NSMCE2: variants seen among roughly 807,000 people sequenced by gnomAD.
NSMCE2 encodes the protein E3 SUMO-protein ligase NSE2.
A neutral mutation model predicts 23.8 loss-of-function variants in NSMCE2; 24 were observed. That is an observed-to-expected ratio of 1.01 (90% CI 0.73 to 1.42). NSMCE2 has a LOEUF of 1.42. Ranked by LOEUF, NSMCE2 falls within the 40% of genes most tolerant of loss-of-function variation. The probability of loss-of-function intolerance (pLI) is 0.00; values close to 1 mark genes in which losing one functional copy is unlikely to be tolerated. For synonymous variants in NSMCE2, 92 were observed against 94.1 expected, an observed-to-expected ratio of 0.98 and a Z score of 0.13; for missense variants, 284 against 296.5, an observed-to-expected ratio of 0.96 and a Z score of 0.31.
chr8:125,328,451 C>T (rs1262356916), intron 5 of NSMCE2, among the ~76,000 whole-genome samples: 1 of 152,106 alleles, frequency 6.6e-6, no homozygotes, highest in Non-Finnish European at 1.5e-5. Context: ...CCTCGAGGGC[C>T]TGGATTGGGT....
At chr8:125,361,529 C>A (rs1167467863) in intron 7 of NSMCE2, among the ~76,000 whole-genome samples, 1 of 152,168 alleles carries the variant, frequency 6.6e-6, no homozygotes, top group Non-Finnish European at 1.5e-5. Context: ...TACCAACAAG[C>A]CATTCAACCT....
At chr8:125,251,060 G>T (rs918233150) in intron 5 of NSMCE2, among the ~76,000 whole-genome samples, 3 of 152,106 alleles carry the variant, frequency 2.0e-5, no homozygotes, top group African/African-American at 7.2e-5. Context: ...GTCTTTGATG[G>T]TAGGACTGCA....
intron 5 of NSMCE2, among the ~76,000 whole-genome samples, chr8:125,233,911 T>C (rs908046916): frequency 6.6e-6 from 1 of 151,078 alleles, no homozygotes; most frequent in Non-Finnish European, 1.5e-5. Context: ...GCATGGTGGC[T>C]CATGCCTGTA....
chr8:125,274,315 A>T (rs1259038978), intron 5 of NSMCE2, among the ~76,000 whole-genome samples: 1 of 152,276 alleles, frequency 6.6e-6, no homozygotes, highest in Non-Finnish European at 1.5e-5. Context: ...TTAGTGAAAC[A>T]GGATTTTTTA....
At chr8:125,344,280 A>G (rs1361152186) in intron 5 of NSMCE2, among the ~76,000 whole-genome samples, 2 of 152,162 alleles carry the variant, frequency 1.3e-5, no homozygotes, top group Non-Finnish European at 2.9e-5. Context: ...GGTCTCTTGA[A>G]GAGTACTAGA....
chr8:125,308,423 C>T (rs1052566334), intron 5 of NSMCE2, among the ~76,000 whole-genome samples: 1 of 152,136 alleles, frequency 6.6e-6, no homozygotes, highest in Non-Finnish European at 1.5e-5. Flanking sequence ...AAGTCTTTTT[C>T]CTTTGACCTT....
At chr8:125,110,815 T>A (rs1586442151) in intron 3 of NSMCE2, among the ~76,000 whole-genome samples, 3 of 151,058 alleles carry the variant, frequency 2.0e-5, no homozygotes, top group East Asian at 1.9e-4. Context: ...TTTTTTTTTT[T>A]AAATACCCAA....
intron 7 of NSMCE2, among the ~76,000 whole-genome samples, chr8:125,359,752 A>G (rs1158351035): frequency 2.0e-5 from 3 of 152,236 alleles, no homozygotes; most frequent in African/African-American, 7.2e-5. Context: ...GCTGGTACAC[A>G]GTAGGGCTCA....
At chr8:125,270,209 G>A (rs999471993) in intron 5 of NSMCE2, among the ~76,000 whole-genome samples, 2 of 152,186 alleles carry the variant, frequency 1.3e-5, no homozygotes, top group African/African-American at 4.8e-5. Flanking sequence ...ACTCATGCCT[G>A]TAATCCCAGC....
At chr8:125,237,455 G>A (rs1434524301) in intron 5 of NSMCE2, among the ~76,000 whole-genome samples, 1 of 152,166 alleles carries the variant, frequency 6.6e-6, no homozygotes, top group African/African-American at 2.4e-5. Flanking sequence ...CCAGATTGAG[G>A]CAAGCATTCA....
intron 1 of NSMCE2, among the ~76,000 whole-genome samples, chr8:125,098,215 A>G (rs1260487906): frequency 1.3e-5 from 2 of 152,214 alleles, no homozygotes; most frequent in Admixed American, 1.3e-4. Context: ...AGATGATTCA[A>G]TACACTGACA....
intron 5 of NSMCE2, among the ~76,000 whole-genome samples, chr8:125,346,545 CAG>C (rs1432833741): frequency 2.0e-5 from 3 of 152,208 alleles, no homozygotes; most frequent in Non-Finnish European, 4.4e-5. Context: ...GCTGGCTAAT[CAG>C]ACTTTCCCTA....
At chr8:125,132,799 T>A (rs1162456058) in intron 3 of NSMCE2, among the ~76,000 whole-genome samples, 1 of 152,194 alleles carries the variant, frequency 6.6e-6, no homozygotes, top group African/African-American at 2.4e-5. Flanking sequence ...CCCAGCCCAA[T>A]TTTTAAATTG....
intron 5 of NSMCE2, among the ~76,000 whole-genome samples, chr8:125,189,111 T>C (rs1338726225): frequency 2.6e-5 from 4 of 152,240 alleles, no homozygotes; most frequent in Non-Finnish European, 5.9e-5. Context: ...GGTATAACTG[T>C]TGTTAGAAAT....
At chr8:125,244,273 T>G (rs2130989769) in intron 5 of NSMCE2, among the ~76,000 whole-genome samples, 1 of 152,150 alleles carries the variant, frequency 6.6e-6, no homozygotes, top group Middle Eastern at 3.4e-3. Context: ...TAAAGAAAGT[T>G]CAAAGTTGAG....
chr8:125,117,601 A>T (rs1007041337), intron 3 of NSMCE2, among the ~76,000 whole-genome samples: 1 of 151,934 alleles, frequency 6.6e-6, no homozygotes, highest in Non-Finnish European at 1.5e-5. Context: ...AGTAGTCTCT[A>T]CTGCCCTGGC....
chr8:125,298,184 T>G (rs994905515), intron 5 of NSMCE2, among the ~76,000 whole-genome samples: 8 of 151,306 alleles, frequency 5.3e-5, no homozygotes, highest in African/African-American at 1.9e-4. Flanking sequence ...CGCTTGAACC[T>G]AGAAGGCAGA....
At chr8:125,170,376 CTTTTT>C (rs565593006) in intron 4 of NSMCE2, among the ~76,000 whole-genome samples, 16 of 37,858 alleles carry the variant, frequency 4.2e-4, no homozygotes, top group African/African-American at 1.0e-3. Flanking sequence ...CTCTTTATTT[CTTTTT>C]TTTTTTTTTT....
At chr8:125,238,516 A>T (rs1825645191) in intron 5 of NSMCE2, among the ~76,000 whole-genome samples, 1 of 152,206 alleles carries the variant, frequency 6.6e-6, no homozygotes, top group Non-Finnish European at 1.5e-5. Flanking sequence ...ATTTTAAAAA[A>T]ATTGAATAGT....
Sources: gnomAD v4.1 joint callset for allele counts (sites outside exome capture counted in the v4.1 genomes callset) on GRCh38, gnomAD v4.1.1 for gene constraint, MANE v1.5 for transcripts, NCBI Gene and HGNC (gene_info 2026-07-23, HGNC 2026-07-21) for gene names.